The following MAPK10 variants were observed in gnomAD, a reference collection of about 807,000 sequenced individuals.
MAPK10 encodes the protein mitogen-activated protein kinase 10.
In MAPK10, 25 loss-of-function variants were observed where a neutral mutation model predicts 59.3. The ratio of observed to expected loss-of-function variants is 0.42; its 90% CI spans 0.31 to 0.59. The LOEUF (loss-of-function observed/expected upper bound fraction) is 0.59. MAPK10 is among the 20% of genes least tolerant of loss of function. The pLI is 0.15. For synonymous variants in MAPK10, 190 were observed against 200.5 expected, an observed-to-expected ratio of 0.95 and a Z score of 0.44; for missense variants, 351 against 568.9, an observed-to-expected ratio of 0.62 and a Z score of 3.90.
chr4:86,404,584 T>C (rs1447979978), intron 1 of MAPK10, among the ~76,000 whole-genome samples: 1 of 152,230 alleles, frequency 6.6e-6, no homozygotes, highest in African/African-American at 2.4e-5. Context: ...GTGGTCCCTT[T>C]AAATTCAATT....
chr4:86,107,774 T>C (rs2056800878), intron 4 of MAPK10: 7 of 391,336 alleles, frequency 1.8e-5, no homozygotes, highest in Non-Finnish European at 2.4e-5. Flanking sequence ...TAATATATGA[T>C]ATTTAATTTT....
rs1743938648 is a variant in MAPK10 at position 86,017,590 on chromosome 4, C to G, written c.1253-220G>C. Reference sequence around the variant, plus strand: ...TCATCACAAGTTATCAAATCTCACTCTATATTTGAAATCACCTGCAACACT... The same window carrying G: ...TCATCACAAGTTATCAAATCTCACTGTATATTTGAAATCACCTGCAACACT... On this transcript the variant is annotated intron_variant, in intron 13 of 13. Transcript: ENST00000641462. The surrounding 1 kb of genome is among the most constrained non-coding windows in gnomAD (Gnocchi z 4.4). Among the ~76,000 whole-genome samples the G allele has an allele frequency of 6.6e-6, 1 of 152,162 alleles. No homozygotes were observed. Among genetic ancestry groups the G allele is most frequent in the Non-Finnish European group, 1.5e-5 (1 of 68,018 alleles).
At position 86,557,402 on chromosome 4, in the gene MAPK10, TACTG is replaced by T. The variant is rs1052766229; in HGVS notation, c.-263+36504_-263+36507del. Among the ~76,000 whole-genome samples the T allele has an allele frequency of 3.4e-3, 511 of 152,168 alleles. 1 individual carries two copies. Among genetic ancestry groups the T allele is most frequent in the African/African-American group, 0.012 (494 of 41,528 alleles). On this transcript the variant is annotated intron_variant, in intron 1 of 4. Transcript: ENST00000502302. ...CCCATGTACTGACATAAGGAAAGACTACTGACTGTCACTAAAAACTAGTGTATTT... is the reference window on the plus strand; with the variant it reads ...CCCATGTACTGACATAAGGAAAGACTACTGTCACTAAAAACTAGTGTATTT...
In MAPK10 at chr4:86,566,732, A is replaced by G. The variant is rs541687201; in HGVS notation, c.-263+27178T>C. Reference sequence around the variant, plus strand: ...TCCATTTAAAAAAAAAAAGTAGTCTATATTGTAACTAATCATCACCAATGT... The same window carrying G: ...TCCATTTAAAAAAAAAAAGTAGTCTGTATTGTAACTAATCATCACCAATGT... On this transcript the variant is annotated intron_variant, in intron 1 of 4. Transcript: ENST00000502302. Among the ~76,000 whole-genome samples, 3 of 151,880 alleles carry G rather than the reference A, an allele frequency of 2.0e-5. No individual in the cohort carries two copies. In the East Asian group the frequency reaches 5.8e-4, roughly 30 times the overall value.
intron 2 of MAPK10, among the ~76,000 whole-genome samples, chr4:86,241,500 A>G (rs1583372817): frequency 6.6e-6 from 1 of 151,974 alleles, no homozygotes; most frequent in Non-Finnish European, 1.5e-5. Context: ...ATGAAGTCCC[A>G]TATTTCTTGG....
At chr4:86,127,527 T>C (rs893714970) in intron 4 of MAPK10, 1 of 152,012 alleles carries the variant, frequency 6.6e-6, no homozygotes, top group East Asian at 1.9e-4. Flanking sequence ...TTAGGATATG[T>C]TTGTTTTAAT....
Position 86,016,869 on chromosome 4 carries a change from C to A in MAPK10, c.*359G>T, listed in dbSNP as rs1743522325. The A allele has an allele frequency of 4.4e-6, 1 of 227,782 alleles. No individual in the cohort carries two copies. The highest frequency in any genetic ancestry group is 8.8e-6 in the Non-Finnish European group (1 of 112,998). The allele number at this position is 227,782 out of a possible 1,614,324, so 14.1% of individuals were successfully genotyped here. ...ACATGCTGGATGGGGCCACTGCACA[C>A]CTTGTCATGCCATTTAAAAGGGCAG... On this transcript the variant is annotated 3_prime_UTR_variant, in exon 14 of 14. Transcript: ENST00000641462.
intron 2 of MAPK10, among the ~76,000 whole-genome samples, chr4:86,325,281 G>A (rs1457039979): frequency 1.3e-5 from 2 of 152,176 alleles, no homozygotes; most frequent in Non-Finnish European, 2.9e-5. Context: ...TTTACTGGGT[G>A]CCCAGGCACT....
intron 2 of MAPK10, among the ~76,000 whole-genome samples, chr4:86,199,083 G>A (rs1582616729): frequency 1.3e-5 from 2 of 151,948 alleles, no homozygotes; most frequent in South Asian, 2.1e-4. Flanking sequence ...ATTACTAATA[G>A]GTGTGGCAAT....
intron 1 of MAPK10, among the ~76,000 whole-genome samples, chr4:86,515,862 T>C (rs112125927): frequency 0.047 from 7,115 of 150,712 alleles, 223 homozygotes; most frequent in African/African-American, 0.06. Flanking sequence ...TCTATTTATC[T>C]TTGGGTTTTG....
intron 1 of MAPK10, among the ~76,000 whole-genome samples, chr4:86,370,532 A>G (rs991268989): frequency 2.0e-5 from 3 of 152,120 alleles, no homozygotes; most frequent in Non-Finnish European, 2.9e-5. Context: ...AATCTGAGAA[A>G]TGGTCACCAT....
intron 11 of MAPK10, among the ~76,000 whole-genome samples, chr4:86,042,332 G>C (rs1268402291): frequency 2.0e-5 from 3 of 152,094 alleles, no homozygotes; most frequent in Non-Finnish European, 2.9e-5. Flanking sequence ...AGAGGGTTGG[G>C]GGCAAGGGAA....
At chr4:86,508,725 G>A (rs1417750407) in intron 1 of MAPK10, among the ~76,000 whole-genome samples, 3 of 152,138 alleles carry the variant, frequency 2.0e-5, no homozygotes, top group Admixed American at 2.0e-4. Context: ...TAAATAGTAG[G>A]CATGATATGG....
chr4:86,479,823 C>T (rs1312168918), intron 1 of MAPK10, among the ~76,000 whole-genome samples: 1 of 152,076 alleles, frequency 6.6e-6, no homozygotes, highest in Non-Finnish European at 1.5e-5. Context: ...CAGGCCATCA[C>T]CAATAATTCT....
intron 1 of MAPK10, among the ~76,000 whole-genome samples, chr4:86,444,608 A>C (rs1749797937): frequency 6.6e-6 from 1 of 152,148 alleles, no homozygotes; most frequent in African/African-American, 2.4e-5. Context: ...ACAGCAAAAG[A>C]AACTATCATC....
rs541399144 is a variant in MAPK10 at position 86,294,758 on chromosome 4, G to T, written c.-7+59772C>A. Among the ~76,000 whole-genome samples the T allele has an allele frequency of 2.2e-4, 34 of 152,256 alleles. 1 individual carries two copies. The highest frequency in any genetic ancestry group is 4.0e-4 in the Non-Finnish European group (27 of 68,012). ...GAGGAGAGACCAGGGAGGCTGAGGT[G>T]GCCAGAATTCACAGGGCAGAATACG... is the stretch of plus-strand genomic sequence containing the variant. On this transcript the variant is annotated intron_variant, in intron 2 of 13. Coordinates refer to ENST00000641462, the MANE Select transcript of MAPK10 (RefSeq NM_138982.4).
intron 1 of MAPK10, among the ~76,000 whole-genome samples, chr4:86,436,522 T>C (rs1387922866): frequency 6.6e-6 from 1 of 152,154 alleles, no homozygotes; most frequent in Non-Finnish European, 1.5e-5. Context: ...TTTTGATGTA[T>C]TTTTTAATTG....
intron 11 of MAPK10, among the ~76,000 whole-genome samples, chr4:86,034,340 A>G (rs1468966506): frequency 2.0e-5 from 3 of 152,230 alleles, no homozygotes; most frequent in Non-Finnish European, 4.4e-5. Flanking sequence ...TGCATAAACA[A>G]TAACTTAAAA....
chr4:86,357,368 T>C (rs1735037730), intron 1 of MAPK10, among the ~76,000 whole-genome samples: 1 of 152,150 alleles, frequency 6.6e-6, no homozygotes, highest in African/African-American at 2.4e-5. Context: ...AAGAAACAGA[T>C]TCATTTACAT....
Sources: allele counts gnomAD v4.1 joint callset (sites outside exome capture counted in the v4.1 genomes callset), GRCh38; gene constraint gnomAD v4.1.1; non-coding constraint Gnocchi (gnomAD v3.1); transcripts MANE v1.5; gene names NCBI Gene and HGNC (gene_info 2026-07-23, HGNC 2026-07-21).